The following CHSY3 variants were observed in gnomAD, a reference collection of about 807,000 sequenced individuals.
CHSY3 encodes the protein chondroitin sulfate synthase 3.
In CHSY3, 35 loss-of-function variants were observed where a neutral mutation model predicts 67.2. The ratio of observed to expected loss-of-function variants is 0.52; its 90% confidence interval spans 0.40 to 0.69. The LOEUF (loss-of-function observed/expected upper bound fraction) is 0.69, where lower values mean the gene tolerates loss of function less well. Ranked by LOEUF, CHSY3 falls within the 30% of genes least tolerant of loss-of-function variation. CHSY3 has a pLI of 0.00. For synonymous variants in CHSY3, 474 were observed against 434.7 expected, an observed-to-expected ratio of 1.09 and a Z score of -1.12; for missense variants, 1,069 against 1,138.5, an observed-to-expected ratio of 0.94 and a Z score of 0.88.
intron 2 of CHSY3, among the ~76,000 whole-genome samples, chr5:129,910,155 T>C (rs1384374173): frequency 6.6e-6 from 1 of 151,996 alleles, no homozygotes; most frequent in Non-Finnish European, 1.5e-5. Flanking sequence ...GTGCACCCTG[T>C]CTATTAGAAT....
chr5:130,131,691 A>G (rs939838113), intron 2 of CHSY3, among the ~76,000 whole-genome samples: 1 of 152,152 alleles, frequency 6.6e-6, no homozygotes, highest in African/African-American at 2.4e-5. Flanking sequence ...GTAAACTATC[A>G]CAGGTTGCAG....
intron 2 of CHSY3, among the ~76,000 whole-genome samples, chr5:130,054,059 G>A (rs927052299): frequency 7.9e-5 from 12 of 152,176 alleles, no homozygotes; most frequent in South Asian, 2.1e-4. Flanking sequence ...TTGGTTTCTG[G>A]AAAGCCTGTC....
At chr5:130,052,059 A>G (rs1446878700) in intron 2 of CHSY3, 1 of 152,146 alleles carries the variant, frequency 6.6e-6, no homozygotes, top group Non-Finnish European at 1.5e-5. Flanking sequence ...GTGTATCTGC[A>G]TCATTCTTTT....
chr5:129,906,752 G>C (rs1285464310), intron 1 of CHSY3, among the ~76,000 whole-genome samples: 2 of 152,204 alleles, frequency 1.3e-5, no homozygotes, highest in Non-Finnish European at 2.9e-5. Flanking sequence ...CGGTCAAAGG[G>C]GGGCAGCCCT....
At chr5:130,121,997 C>T (rs1183292881) in intron 2 of CHSY3, among the ~76,000 whole-genome samples, 1 of 152,112 alleles carries the variant, frequency 6.6e-6, no homozygotes, top group Non-Finnish European at 1.5e-5. Flanking sequence ...TGAGTGCTTA[C>T]TTTGTGTAAA....
intron 2 of CHSY3, among the ~76,000 whole-genome samples, chr5:129,914,551 G>T (rs1760676526): frequency 1.3e-5 from 2 of 152,166 alleles, no homozygotes; most frequent in East Asian, 3.9e-4. Context: ...TTCTTGGTCT[G>T]ATTCAGTCAC....
At position 130,102,988 on chromosome 5, in the gene CHSY3, C is replaced by T. The variant is rs189858968; in HGVS notation, c.1087-81241C>T. Among the ~76,000 whole-genome samples the T allele has an allele frequency of 2.0e-5, 3 of 151,880 alleles. No homozygotes were observed. In the East Asian group the frequency reaches 5.8e-4, roughly 29 times the overall value. ...AAGAAAATATGGGTTATTTATTTGC[C>T]TAACAACAAAATAAAATGAATCACA... On this transcript the variant is annotated intron_variant, in intron 2 of 2. Transcript: ENST00000305031.
chr5:130,110,119 C>T (rs1767544311), intron 2 of CHSY3, among the ~76,000 whole-genome samples: 1 of 151,788 alleles, frequency 6.6e-6, no homozygotes, highest in South Asian at 2.1e-4. Context: ...CTGGCTGCTT[C>T]TGAAATTTTT....
chr5:130,117,079 A>T (rs1249353795), intron 2 of CHSY3, among the ~76,000 whole-genome samples: 1 of 152,096 alleles, frequency 6.6e-6, no homozygotes, highest in Non-Finnish European at 1.5e-5. Flanking sequence ...GTGAAGTTGG[A>T]TGGGAGCATG....
At chr5:130,141,492 T>C (rs1347170944) in intron 2 of CHSY3, 2 of 370,394 alleles carry the variant, frequency 5.4e-6, no homozygotes, top group African/African-American at 4.3e-5. Flanking sequence ...GTCTCTCTTG[T>C]GGCCCAGAGT....
At chr5:129,916,616 A>G (rs1448635755) in intron 2 of CHSY3, among the ~76,000 whole-genome samples, 2 of 152,204 alleles carry the variant, frequency 1.3e-5, no homozygotes, top group Admixed American at 6.5e-5. Flanking sequence ...ATACGTGAGT[A>G]TCTCATAAAA....
rs987272186 is a variant in CHSY3 at position 130,168,586 on chromosome 5, G to C, written c.1087-15643G>C. On this transcript the variant is annotated intron_variant, in intron 2 of 2. Coordinates refer to ENST00000305031, the MANE Select transcript of CHSY3 (RefSeq NM_175856.5). ...ACTTAAAGAAACATTTAGAAGCTTG[G>C]GAAATACTGCAGAATTCTGAGAATT... 9.9e-5 allele frequency among the ~76,000 whole-genome samples: 15 copies of C among 152,026 alleles called. 1 individual carries two copies. The highest frequency in any genetic ancestry group is 3.4e-4 in the African/African-American group (14 of 41,402).
chr5:130,155,644 A>G (rs1371143512), intron 2 of CHSY3, among the ~76,000 whole-genome samples: 1 of 152,322 alleles, frequency 6.6e-6, no homozygotes, highest in Admixed American at 6.5e-5. Context: ...TGGGGTAAAA[A>G]GACAACTCAA....
At chr5:130,049,341 G>T (rs1038367333) in intron 2 of CHSY3, among the ~76,000 whole-genome samples, 2 of 151,964 alleles carry the variant, frequency 1.3e-5, no homozygotes, top group South Asian at 2.1e-4. Context: ...TTCTCTTTAT[G>T]TCAGCTGGGA....
At chr5:130,165,677 A>T (rs1411029991) in intron 2 of CHSY3, among the ~76,000 whole-genome samples, 1 of 152,006 alleles carries the variant, frequency 6.6e-6, no homozygotes, top group Non-Finnish European at 1.5e-5. Context: ...TTTGAGATAC[A>T]TGCACATATC....
chr5:130,025,004 T>G (rs2149656256), intron 2 of CHSY3, among the ~76,000 whole-genome samples: 1 of 152,268 alleles, frequency 6.6e-6, no homozygotes, highest in Middle Eastern at 3.4e-3. Flanking sequence ...GATGAGTGAT[T>G]GATTTATGGC....
Position 130,093,810 on chromosome 5 carries a change from A to G in CHSY3, c.1087-90419A>G, listed in dbSNP as rs180830969. 9.6e-4 allele frequency among the ~76,000 whole-genome samples: 146 copies of G among 152,220 alleles called. 1 individual carries two copies. The highest frequency in any genetic ancestry group is 4.7e-3 in the Admixed American group (71 of 15,264). ...TAGCCACTTATGGTAACCACCAGGA[A>G]GCTTGCTTTGAGAAACTGCTATTTC... On this transcript the variant is annotated intron_variant, in intron 2 of 2. Coordinates refer to ENST00000305031, the MANE Select transcript of CHSY3 (RefSeq NM_175856.5).
At chr5:129,905,783 C>A (rs1760265622) in intron 1 of CHSY3, 152 bp downstream of exon 1, 5 of 1,411,592 alleles carry the variant, frequency 3.5e-6, no homozygotes, top group Non-Finnish European at 4.6e-6. Context: ...CCACCCCTTG[C>A]ATCCGCCCAC....
chr5:130,096,737 G>T (rs1767061349), intron 2 of CHSY3, among the ~76,000 whole-genome samples: 1 of 151,986 alleles, frequency 6.6e-6, no homozygotes, highest in Admixed American at 6.6e-5. Context: ...ACCACCACCT[G>T]CAGTTGAAAG....
Sources: allele counts gnomAD v4.1 joint callset (sites outside exome capture counted in the v4.1 genomes callset), GRCh38; gene constraint gnomAD v4.1.1; transcripts MANE v1.5; gene names NCBI Gene and HGNC (gene_info 2026-07-23, HGNC 2026-07-21).